Variants in ACSM6 observed in about 807,000 individuals in gnomAD.
ACSM6 encodes acyl-coenzyme A synthetase ACSM6, mitochondrial.
A neutral mutation model predicts 51.1 loss-of-function variants in ACSM6; 35 were observed. The ratio of observed to expected loss-of-function variants is 0.69; its 90% CI spans 0.52 to 0.91. The LOEUF is 0.91. Ranked by LOEUF, ACSM6 falls within the 40% of genes least tolerant of loss-of-function variation. The pLI, the probability that ACSM6 is intolerant of heterozygous loss-of-function variation, is 0.00. For synonymous variants in ACSM6, 172 were observed against 207.3 expected, an observed-to-expected ratio of 0.83 and a Z score of 1.46; for missense variants, 509 against 584.1, an observed-to-expected ratio of 0.87 and a Z score of 1.32.
At chr10:95,228,872 A>G in exon 11 of ACSM6, 1 of 1,275,184 alleles carries the variant, frequency 7.8e-7, no homozygotes, top group Non-Finnish European at 1.0e-6. Flanking sequence ...TTATATTTCT[A>G]AAGTTTAGAA....
At chr10:95,196,974 T>C (rs796132049) in intron 2 of ACSM6, among the ~76,000 whole-genome samples, 1 of 152,216 alleles carries the variant, frequency 6.6e-6, no homozygotes, top group Non-Finnish European at 1.5e-5. Context: ...TGTATCTATA[T>C]TCTTTTCTTC....
chr10:95,197,532 A>ATGTT (rs1358238259), intron 2 of ACSM6, among the ~76,000 whole-genome samples: 1 of 152,186 alleles, frequency 6.6e-6, no homozygotes, highest in Admixed American at 6.5e-5. Context: ...AGCCAGATTT[A>ATGTT]TGTTTCTCTC....
chr10:95,212,836 T>G, intron 6 of ACSM6, 22 bp from the exon 7 acceptor site: 2 of 1,585,030 alleles, frequency 1.3e-6, no homozygotes, highest in Non-Finnish European at 1.7e-6. Flanking sequence ...CAGATTTTGT[T>G]TTTCCTTCCT....
intron 2 of ACSM6, 117 bp downstream of exon 2, chr10:95,194,794 G>A: frequency 4.4e-6 from 4 of 911,982 alleles, no homozygotes; most frequent in Non-Finnish European, 6.5e-6. Flanking sequence ...CAAATTCAGA[G>A]AAAAGAAATT....
exon 8 of ACSM6, chr10:95,214,940 T>A: frequency 6.4e-7 from 1 of 1,551,562 alleles, no homozygotes; most frequent in South Asian, 1.2e-5. Flanking sequence ...CATCACTAAG[T>A]TGGACATCTA....
At chr10:95,207,941 G>C (rs1252548189) in intron 4 of ACSM6, among the ~76,000 whole-genome samples, 2 of 152,022 alleles carry the variant, frequency 1.3e-5, no homozygotes, top group Non-Finnish European at 2.9e-5. Flanking sequence ...AGGAGTTCGA[G>C]ACCAGCCTGG....
chr10:95,222,770 C>G (rs1274334715), intron 9 of ACSM6, among the ~76,000 whole-genome samples: 2 of 148,044 alleles, frequency 1.4e-5, no homozygotes, highest in East Asian at 1.9e-4. Context: ...ATCTACTGTA[C>G]AGCATAATGC....
intron 3 of ACSM6, among the ~76,000 whole-genome samples, chr10:95,205,550 G>A (rs975426604): frequency 6.6e-6 from 1 of 152,056 alleles, no homozygotes; most frequent in East Asian, 1.9e-4. Flanking sequence ...CCATCACCTT[G>A]GAGTTTAGAA....
chr10:95,194,423 G>A (rs936945258), intron 1 of ACSM6, 42 bp from the exon 2 acceptor site: 84 of 1,442,030 alleles, frequency 5.8e-5, no homozygotes, highest in Non-Finnish European at 7.7e-5. Flanking sequence ...TTATCCCTCT[G>A]AGCTGCTCAA....
chr10:95,195,389 A>G (rs917013955), intron 2 of ACSM6, among the ~76,000 whole-genome samples: 1 of 152,218 alleles, frequency 6.6e-6, no homozygotes, highest in African/African-American at 2.4e-5. Flanking sequence ...GACATCATGG[A>G]AAGAAGGAAG....
chr10:95,214,487 T>G (rs1431338834), intron 7 of ACSM6, among the ~76,000 whole-genome samples: 1 of 152,232 alleles, frequency 6.6e-6, no homozygotes, highest in Non-Finnish European at 1.5e-5. Context: ...GAAAATTAGT[T>G]CCTTTTTTAC....
chr10:95,225,463 C>A, intron 10 of ACSM6, 72 bp downstream of exon 10: 1 of 1,084,398 alleles, frequency 9.2e-7, no homozygotes. Flanking sequence ...TTGTTGAGTA[C>A]TTTATGATTT....
At chr10:95,216,456 A>C (rs2034945384) in intron 8 of ACSM6, among the ~76,000 whole-genome samples, 2 of 152,236 alleles carry the variant, frequency 1.3e-5, no homozygotes, top group Admixed American at 1.3e-4. Flanking sequence ...TGCAGGAGGC[A>C]CTAGGGATGA....
At chr10:95,194,732 C>T (rs1387916158) in intron 2 of ACSM6, 55 bp downstream of exon 2, 9 of 1,444,832 alleles carry the variant, frequency 6.2e-6, no homozygotes, top group South Asian at 1.3e-5. Context: ...GTTGGTAAAG[C>T]GTCCAAAGAT....
intron 3 of ACSM6, 83 bp downstream of exon 3, chr10:95,202,278 G>C (rs1333594043): frequency 3.3e-6 from 4 of 1,226,204 alleles, no homozygotes; most frequent in Non-Finnish European, 4.7e-6. Context: ...AGATGTTAGA[G>C]GGATCTCTAT....
In ACSM6 at chr10:95,194,716, A is replaced by C. The variant is rs592041; in HGVS notation, c.192+39A>C. 4.6e-6 allele frequency: 7 copies of C among 1,520,900 alleles called. No homozygotes were observed. The African/African-American group carries it at 6.9e-5, about 15-fold the overall frequency. The allele number at this position is 1,520,900 out of a possible 1,614,324, so 94.2% of individuals were successfully genotyped here. On this transcript the variant is annotated intron_variant, in intron 2 of 10. Coordinates refer to ENST00000341686, the Ensembl canonical transcript of ACSM6. ...TTTTCTACCTTGGAAACTTTGGCCA[A>C]GGCCAGTTGGTAAAGCGTCCAAAGA...
chr10:95,201,331 CAAT>C, intron 2 of ACSM6: 1 of 385,136 alleles, frequency 2.6e-6, no homozygotes. Flanking sequence ...CCAGCCTCCC[CAAT>C]GTCTATTATT....
chr10:95,212,739 G>A, intron 6 of ACSM6, 119 bp from the exon 7 acceptor site: 1 of 730,360 alleles, frequency 1.4e-6, no homozygotes, highest in South Asian at 1.6e-5. Context: ...GCATCCCCAA[G>A]CTGAGTTTCA....
exon 1 of ACSM6, chr10:95,194,246 A>G: frequency 2.3e-6 from 1 of 426,642 alleles, no homozygotes; most frequent in South Asian, 6.3e-5. Flanking sequence ...ACAGAAGGCA[A>G]CAGCTCTACC....
Sources: allele counts gnomAD v4.1 joint callset (sites outside exome capture counted in the v4.1 genomes callset), GRCh38; gene constraint gnomAD v4.1.1; transcripts MANE v1.5; gene names NCBI Gene and HGNC (gene_info 2026-07-23, HGNC 2026-07-21).